The following MARCHF1 variants were observed in gnomAD, a reference collection of about 807,000 sequenced individuals.
MARCHF1 encodes the protein membrane associated ring-CH-type finger 1.
Under a neutral mutation model 54.2 loss-of-function variants are expected in MARCHF1, and 40 were observed. That is an observed-to-expected ratio of 0.74 (90% CI 0.57 to 0.96). The LOEUF is 0.96. MARCHF1 is among the 40% of genes least tolerant of loss of function. MARCHF1 has a pLI of 0.00. For missense variants in MARCHF1, 586 were observed against 656.5 expected (o/e 0.89, Z 1.17); for synonymous variants, 236 against 236.3 (o/e 1.00, Z 0.01).
chr4:163,622,231 G>A (rs537064119), intron 5 of MARCHF1, among the ~76,000 whole-genome samples: 9 of 152,040 alleles, frequency 5.9e-5, no homozygotes, highest in African/African-American at 2.2e-4. Flanking sequence ...AAATGGGTTG[G>A]AAGGCCAGGG....
At chr4:164,319,317 G>A (rs1385205702) in intron 1 of MARCHF1, among the ~76,000 whole-genome samples, 1 of 151,978 alleles carries the variant, frequency 6.6e-6, no homozygotes, top group African/African-American at 2.4e-5. Flanking sequence ...TTTATATAAG[G>A]AACATAAGCA....
chr4:163,537,283 C>T (rs1398220531), intron 9 of MARCHF1, among the ~76,000 whole-genome samples: 1 of 152,108 alleles, frequency 6.6e-6, no homozygotes, highest in Non-Finnish European at 1.5e-5. Context: ...TTCTTACATT[C>T]TGTTAGACTA....
At chr4:163,573,774 C>T (rs1739932883) in intron 8 of MARCHF1, among the ~76,000 whole-genome samples, 2 of 151,864 alleles carry the variant, frequency 1.3e-5, no homozygotes, top group African/African-American at 2.4e-5. Context: ...AATAAACATA[C>T]GTGTGCATGT....
At chr4:163,885,680 C>T (rs1009444445) in intron 3 of MARCHF1, among the ~76,000 whole-genome samples, 1 of 151,900 alleles carries the variant, frequency 6.6e-6, no homozygotes, top group Non-Finnish European at 1.5e-5. Flanking sequence ...TCAGCTTTAC[C>T]TCACTTTTTT....
intron 1 of MARCHF1, among the ~76,000 whole-genome samples, chr4:164,374,122 T>C (rs1209499345): frequency 6.6e-6 from 1 of 152,174 alleles, no homozygotes; most frequent in Non-Finnish European, 1.5e-5. Flanking sequence ...AGAATAGAAA[T>C]TAGCATGAAA....
intron 1 of MARCHF1, among the ~76,000 whole-genome samples, chr4:164,264,274 G>A (rs2111287036): frequency 6.6e-6 from 1 of 152,238 alleles, no homozygotes; most frequent in Middle Eastern, 3.4e-3. Context: ...GTTATCAGCG[G>A]GAGCTAAATG....
chr4:163,810,987 G>C (rs1334105481), intron 4 of MARCHF1, among the ~76,000 whole-genome samples: 1 of 151,732 alleles, frequency 6.6e-6, no homozygotes, highest in Non-Finnish European at 1.5e-5. Flanking sequence ...ACTTTTTGTT[G>C]TTGTTGTTAA....
intron 5 of MARCHF1, among the ~76,000 whole-genome samples, chr4:163,655,916 G>A (rs1458705926): frequency 2.0e-5 from 3 of 151,924 alleles, no homozygotes; most frequent in African/African-American, 4.8e-5. Flanking sequence ...AGTGTTAAAA[G>A]GGAAATTTAT....
rs368810217 is a variant in MARCHF1, at chr4:163,562,407, T to C, written c.1192-16664A>G. ...ATGTATATTTACTCTCAGTCCTGTC[T>C]GCAGCACCTGATACTATTGACTATT... On this transcript the variant is annotated intron_variant, in intron 8 of 9. Transcript: ENST00000514618. Among the ~76,000 whole-genome samples, 139 of 152,358 alleles carry C rather than the reference T, an allele frequency of 9.1e-4. 3 individuals carry two copies. In the South Asian group the frequency reaches 0.028, roughly 31 times the overall value.
At chr4:164,192,990 C>T (rs554313430) in intron 1 of MARCHF1, among the ~76,000 whole-genome samples, 37 of 152,266 alleles carry the variant, frequency 2.4e-4, no homozygotes, top group African/African-American at 7.9e-4. Context: ...TATCCCTACC[C>T]GGCTCTTGTT....
intron 5 of MARCHF1, among the ~76,000 whole-genome samples, chr4:163,696,163 T>TA (rs1261923800): frequency 6.6e-6 from 1 of 152,090 alleles, no homozygotes; most frequent in Non-Finnish European, 1.5e-5. Context: ...TATAAATTAA[T>TA]AAAAAAGTAA....
intron 1 of MARCHF1, among the ~76,000 whole-genome samples, chr4:164,193,574 G>A (rs1302769334): frequency 7.2e-5 from 11 of 151,944 alleles, no homozygotes; most frequent in Non-Finnish European, 1.6e-4. Context: ...TGAGTAAATG[G>A]AATACATTTC....
chr4:163,614,382 C>T lies in MARCHF1; in HGVS notation c.163-989G>A, dbSNP rs1016382147. Among the ~76,000 whole-genome samples the T allele has an allele frequency of 4.6e-5, 7 of 152,202 alleles. 1 individual carries two copies. The highest frequency in any genetic ancestry group is 3.9e-4 in the Admixed American group (6 of 15,270). Reference sequence around the variant, plus strand: ...ACTGAAAAATTGGGGCTGCTTCTCACTGATAGGTGGTAACGCTGAGATCTG... The same window carrying T: ...ACTGAAAAATTGGGGCTGCTTCTCATTGATAGGTGGTAACGCTGAGATCTG... On this transcript the variant is annotated intron_variant, in intron 5 of 9. Transcript: ENST00000514618.
chr4:163,988,585 C>G lies in MARCHF1; in HGVS notation c.-123G>C, dbSNP rs375446257. ...TCTCCCGTGCTGGGATTACGGAAAT[C>G]TGGTGGAGGGGCATATTGGCAGGGC... is the stretch of plus-strand genomic sequence containing the variant. On this transcript the variant is annotated 5_prime_UTR_variant, in exon 3 of 10. Coordinates refer to ENST00000514618, the MANE Select transcript of MARCHF1 (RefSeq NM_001394959.1). The G allele has an allele frequency of 2.0e-5, 3 of 152,416 alleles. No individual in the cohort carries two copies. The East Asian group carries it at 5.8e-4, about 29-fold the overall frequency. 9.4% of individuals were successfully genotyped at this position (152,416 alleles called of 1,614,324 possible).
chr4:164,070,911 T>C (rs570439976), intron 2 of MARCHF1, among the ~76,000 whole-genome samples: 1 of 152,290 alleles, frequency 6.6e-6, no homozygotes, highest in South Asian at 2.1e-4. Context: ...CTCCTACTGT[T>C]TGCATGATAA....
intron 3 of MARCHF1, among the ~76,000 whole-genome samples, chr4:163,939,041 T>C (rs1206012648): frequency 1.3e-5 from 2 of 152,144 alleles, no homozygotes. Context: ...CCTGGTGCAA[T>C]CTCCTTTGTT....
At chr4:164,347,292 T>C in intron 1 of MARCHF1, among the ~76,000 whole-genome samples, 1 of 152,228 alleles carries the variant, frequency 6.6e-6, no homozygotes. Flanking sequence ...TGCCAGATTT[T>C]ATTTCTATGT....
At chr4:164,257,149 T>G (rs554953886) in intron 1 of MARCHF1, among the ~76,000 whole-genome samples, 1 of 152,272 alleles carries the variant, frequency 6.6e-6, no homozygotes, top group African/African-American at 2.4e-5. Flanking sequence ...AATTGATGGT[T>G]AGTTAATACT....
intron 4 of MARCHF1, among the ~76,000 whole-genome samples, chr4:163,799,191 C>T (rs1041765854): frequency 5.3e-5 from 8 of 152,118 alleles, no homozygotes; most frequent in Non-Finnish European, 7.4e-5. Flanking sequence ...ATGTGGCTAG[C>T]AGCTCCCTAT....
Sources: allele counts gnomAD v4.1 joint callset (sites outside exome capture counted in the v4.1 genomes callset), GRCh38; gene constraint gnomAD v4.1.1; transcripts MANE v1.5; gene names NCBI Gene and HGNC (gene_info 2026-07-23, HGNC 2026-07-21).